The following ZNF155 variants were observed in gnomAD, a reference collection of about 807,000 sequenced individuals.
ZNF155 encodes the protein zinc finger protein 155.
Under a neutral mutation model 11.9 loss-of-function variants are expected in ZNF155, and 15 were observed. That is an observed-to-expected ratio of 1.26 (90% CI 0.84 to 1.94). The LOEUF is 1.94. Among genes scored for constraint, ZNF155 ranks in the 30% most tolerant of loss-of-function variants. The probability of loss-of-function intolerance (pLI) is 0.00; values close to 1 mark genes in which losing one functional copy is unlikely to be tolerated. For synonymous variants in ZNF155, 212 were observed against 219.9 expected (o/e 0.96, Z 0.32); for missense variants, 602 against 639.1 (o/e 0.94, Z 0.63).
chr19:43,991,773 C>T, intron 3 of ZNF155, 69 bp from the exon 4 acceptor site: 1 of 1,604,640 alleles, frequency 6.2e-7, no homozygotes, highest in East Asian at 2.2e-5. Context: ...ACCTAAATAG[C>T]CAGTAAATTT....
At chr19:43,993,373 G>C (rs1203044929) in intron 4 of ZNF155, among the ~76,000 whole-genome samples, 1 of 152,102 alleles carries the variant, frequency 6.6e-6, no homozygotes, top group Admixed American at 6.6e-5. Context: ...TCTAAAACTA[G>C]AAACATCCTG....
intron 2 of ZNF155, among the ~76,000 whole-genome samples, chr19:43,989,565 T>C (rs562256553): frequency 2.0e-5 from 3 of 152,152 alleles, no homozygotes; most frequent in African/African-American, 7.2e-5. Flanking sequence ...GAATTCTCCA[T>C]TGAGCAACCT....
At chr19:43,988,323 T>G in intron 1 of ZNF155, 136 bp from the exon 2 acceptor site, 1 of 411,726 alleles carries the variant, frequency 2.4e-6, no homozygotes, top group African/African-American at 2.0e-5. Flanking sequence ...TTCCATGGTA[T>G]GGATACACCA....
rs1236502828 is a variant in ZNF155, at chr19:43,997,016, C to T, written c.1159C>T (p.Leu387Phe). ...CGKSFRWSSCLLNHQRVHSGE... is the reference protein window; with the variant it reads ...CGKSFRWSSCFLNHQRVHSGE... Reference sequence around the variant, plus strand: ...GAAGAGCTTCAGATGGTCCTCATGCCTTTTGAACCATCAGCGAGTCCACAG... The same window carrying T: ...GAAGAGCTTCAGATGGTCCTCATGCTTTTTGAACCATCAGCGAGTCCACAG... The change falls in exon 5 of 5, where the codon CTT (leucine) becomes TTT (phenylalanine). Residue 387 changes from leucine (L) to phenylalanine (F), a missense_variant. Leu to Phe is a conservative substitution (Grantham distance 22). Coordinates refer to ENST00000270014, the MANE Select transcript of ZNF155 (RefSeq NM_198089.3). The T allele has an allele frequency of 1.2e-6, 2 of 1,613,898 alleles. No individual in the cohort carries two copies. The highest frequency in any genetic ancestry group is 2.7e-5 in the African/African-American group (2 of 74,878).
In ZNF155 at chr19:43,991,483, A is replaced by C. The variant is rs906363542; in HGVS notation, c.16-65A>C. 22 of 1,611,404 alleles carry C rather than the reference A, an allele frequency of 1.4e-5. No homozygotes were observed. In the Admixed American group the frequency reaches 2.3e-4, roughly 17 times the overall value. On this transcript the variant is annotated intron_variant, in intron 2 of 4. Coordinates refer to ENST00000270014, the MANE Select transcript of ZNF155 (RefSeq NM_198089.3). ...TTCCACTCATCCCCTTCCCCTGCTC[A>C]ATGCCGCTTCTCCCCCAGTAGTCCT...
At chr19:43,990,045 C>G in intron 2 of ZNF155, 3 of 1,510,924 alleles carry the variant, frequency 2.0e-6, no homozygotes, top group African/African-American at 1.4e-5. Context: ...TGTGGGAATA[C>G]TTATAACCTG....
In ZNF155 at chr19:43,997,059, A is replaced by G. The variant is rs1168948773; in HGVS notation, c.1202A>G (p.Lys401Arg). 1 of 1,613,808 alleles carries G rather than the reference A, an allele frequency of 6.2e-7. No individual in the cohort carries two copies. Among genetic ancestry groups the G allele is most frequent in the Non-Finnish European group, 8.5e-7 (1 of 1,179,768 alleles). ...GTCCACAGTGGAGAAAAAAGCTTCA[A>G]ATGTGAAGAATGTGGAAAGGGATTT... ...QRVHSGEKSF[K>R]CEECGKGFYT... Residue 401 changes from lysine (K) to arginine (R), a missense_variant, in exon 5 of 5, where the codon AAA (lysine) becomes AGA (arginine). By Grantham distance (26) the Lys-to-Arg change is conservative. Coordinates refer to ENST00000270014, the MANE Select transcript of ZNF155 (RefSeq NM_198089.3).
At position 43,998,190 on chromosome 19, in the gene ZNF155, G is replaced by A. The variant is rs1975980205; in HGVS notation, c.*716G>A. 1 of 152,184 alleles carries A rather than the reference G, an allele frequency of 6.6e-6. No individual in the cohort carries two copies. Among genetic ancestry groups the A allele is most frequent in the Non-Finnish European group, 1.5e-5 (1 of 68,062 alleles). The allele number at this position is 152,184 out of a possible 1,614,324, so 9.4% of individuals were successfully genotyped here. On this transcript the variant is annotated 3_prime_UTR_variant, in exon 5 of 5. Coordinates refer to ENST00000270014, the MANE Select transcript of ZNF155 (RefSeq NM_198089.3). ...CACGCTTTCTCCAAGACAGCCCGCAGGCTAAGTGCATTCCTTCCCCTTCCC... is the reference window on the plus strand; with the variant it reads ...CACGCTTTCTCCAAGACAGCCCGCAAGCTAAGTGCATTCCTTCCCCTTCCC...
At position 43,996,187 on chromosome 19, in the gene ZNF155, C is replaced by T. The variant is rs373671316; in HGVS notation, c.330C>T (p.Asp110=). Residue 110 remains aspartate, a synonymous_variant, in exon 5 of 5, where the codon GAC becomes GAT. Coordinates refer to ENST00000270014, the MANE Select transcript of ZNF155 (RefSeq NM_198089.3). ...CQQIWEQIAK[D]LTRSQDSIIN... ...AAATCTGGGAACAAATTGCAAAAGA[C>T]TTAACCAGGTCTCAGGACTCTATCA... 2 of 1,614,094 alleles carry T rather than the reference C, an allele frequency of 1.2e-6. No homozygotes were observed. Among genetic ancestry groups the T allele is most frequent in the Non-Finnish European group, 1.7e-6 (2 of 1,180,034 alleles).
intron 2 of ZNF155, 100 bp downstream of exon 2, chr19:43,988,658 C>A: frequency 7.7e-7 from 1 of 1,304,996 alleles, no homozygotes; most frequent in South Asian, 1.9e-5. Context: ...GGAAAACAGG[C>A]ATTTGGGGAC....
At position 43,996,654 on chromosome 19, in the gene ZNF155, G is replaced by T. The variant is rs376519805; in HGVS notation, c.797G>T (p.Gly266Val). 1.2e-5 allele frequency: 19 copies of T among 1,614,094 alleles called. No homozygotes were observed. The African/African-American group carries it at 2.4e-4, about 20-fold the overall frequency. Residue 266 changes from glycine (G) to valine (V), a missense_variant, in exon 5 of 5, where the codon GGG (glycine) becomes GTG (valine). Gly to Val is a moderately radical substitution (Grantham distance 109). Transcript: ENST00000270014. ...AAACCTTACATTTGTGAGGCATGTG[G>T]GAAGGCCTTCATTCATGATTCCCAG... ...GEKPYICEAC[G>V]KAFIHDSQLK...
At chr19:43,991,433 A>G in intron 2 of ZNF155, 115 bp from the exon 3 acceptor site, 1 of 1,531,402 alleles carries the variant, frequency 6.5e-7, no homozygotes, top group Non-Finnish European at 8.9e-7. Context: ...AAGTTGACCT[A>G]CATCCCTCAA....
Position 43,996,393 on chromosome 19 carries a change from A to G in ZNF155, c.536A>G (p.Asp179Gly). 5 of 1,614,170 alleles carry G rather than the reference A, an allele frequency of 3.1e-6. No individual in the cohort carries two copies. Among genetic ancestry groups the G allele is most frequent in the Non-Finnish European group, 4.2e-6 (5 of 1,180,022 alleles). Residue 179 changes from aspartate (D) to glycine (G), a missense_variant, in exon 5 of 5, where the codon GAT becomes GGT. Coordinates refer to ENST00000270014, the MANE Select transcript of ZNF155 (RefSeq NM_198089.3). ...TCAGAAGAGAAGTCTTATACATGTG[A>G]TGAGTGTGGAAAAAGCATCTGTTAC... The part of the protein sequence containing the change: ...LYSEEKSYTC[D>G]ECGKSICYIS...
At position 43,996,779 on chromosome 19, in the gene ZNF155, A is replaced by G. The variant is rs369721752; in HGVS notation, c.922A>G (p.Met308Val). 1.9e-6 allele frequency: 3 copies of G among 1,614,066 alleles called. No individual in the cohort carries two copies. The highest frequency in any genetic ancestry group is 1.3e-5 in the African/African-American group (1 of 74,916). The change falls in exon 5 of 5, where the codon ATG becomes GTG. Residue 308 changes from methionine to valine, a missense_variant. Met to Val is a conservative substitution (Grantham distance 21). Transcript: ENST00000270014. ...TAGGTCAAGACTTAAGAGCCATTCCATGGTTCACACAGGAGAAAAACCATT... is the reference window on the plus strand; with the variant it reads ...TAGGTCAAGACTTAAGAGCCATTCCGTGGTTCACACAGGAGAAAAACCATT... ...YFRSRLKSHS[M>V]VHTGEKPFRC... is the part of the protein sequence containing the mutation.
chr19:43,996,842 T>A lies in ZNF155; in HGVS notation c.985T>A (p.Ser329Thr). 1 of 1,614,164 alleles carries A rather than the reference T, an allele frequency of 6.2e-7. No individual in the cohort carries two copies. Among genetic ancestry groups the A allele is most frequent in the South Asian group, 1.1e-5 (1 of 91,084 alleles). The change falls in exon 5 of 5, where the codon TCA becomes ACA. Residue 329 changes from serine (S) to threonine (T), a missense_variant. By Grantham distance (58) the Ser-to-Thr change is moderately conservative. Transcript: ENST00000270014. ...ATGTGATAAGAGCTTTCATCAGAGA[T>A]CAGCACTTAATAGGCATTGCATGGT... ...DTCDKSFHQRSALNRHCMVHT... is the reference protein window; with the variant it reads ...DTCDKSFHQRTALNRHCMVHT...
At chr19:43,993,763 C>A (rs182261684) in intron 4 of ZNF155, among the ~76,000 whole-genome samples, 34 of 152,316 alleles carry the variant, frequency 2.2e-4, no homozygotes, top group Admixed American at 6.5e-4. Flanking sequence ...CTACGTACCA[C>A]TGTATACCAA....
rs1231840272 is a variant in ZNF155 at position 43,996,113 on chromosome 19, T to A, written c.256T>A (p.Leu86Met). 3 of 1,608,170 alleles carry A rather than the reference T, an allele frequency of 1.9e-6. No homozygotes were observed. The highest frequency in any genetic ancestry group is 2.5e-6 in the Non-Finnish European group (3 of 1,176,708). Residue 86 changes from leucine (L) to methionine (M), a missense_variant, in exon 5 of 5, where the codon TTG becomes ATG. By Grantham distance (15) the Leu-to-Met change is conservative (BLOSUM62 2). Coordinates refer to ENST00000270014, the MANE Select transcript of ZNF155 (RefSeq NM_198089.3). ...GNSGGKIQTE[L>M]ESVPEAGAHE... ...TATAGGAGGCAAGATCCAAACTGAG[T>A]TGGAGTCTGTTCCAGAAGCAGGAGC...
intron 2 of ZNF155, 120 bp from the exon 3 acceptor site, chr19:43,991,428 G>T: frequency 6.6e-7 from 1 of 1,515,602 alleles, no homozygotes; most frequent in South Asian, 1.3e-5. Flanking sequence ...TCTCTAAGTT[G>T]ACCTACATCC....
chr19:43,997,624 A>G lies in ZNF155; in HGVS notation c.*150A>G. 1 of 800,916 alleles carries G rather than the reference A, an allele frequency of 1.2e-6. No individual in the cohort carries two copies. The highest frequency in any genetic ancestry group is 1.9e-6 in the Non-Finnish European group (1 of 530,696). The allele number at this position is 800,916 out of a possible 1,614,324, so 49.6% of individuals were successfully genotyped here. A position where few individuals can be genotyped will look rare whatever the true frequency, so the allele number is the denominator to read the frequency against. ...CAAAATCCATTTGAGAGGAGTTGGT[A>G]GACAGCAAGGGAAGGGTCCCTGGAG... On this transcript the variant is annotated 3_prime_UTR_variant, in exon 5 of 5. Transcript: ENST00000270014.
Sources: allele counts gnomAD v4.1 joint callset (sites outside exome capture counted in the v4.1 genomes callset), GRCh38; gene constraint gnomAD v4.1.1; transcripts MANE v1.5; gene names NCBI Gene and HGNC (gene_info 2026-07-23, HGNC 2026-07-21).